The following FGF12 variants were observed in gnomAD, a reference collection of about 807,000 sequenced individuals.
FGF12 encodes the protein fibroblast growth factor 12.
FGF12 carries 14 observed loss-of-function variants against 23.6 expected under a neutral mutation model. The observed-to-expected ratio is 0.59, with a 90% CI of 0.39 to 0.93. FGF12 has a LOEUF of 0.93. Among genes scored for constraint, FGF12 ranks in the 40% least tolerant of loss-of-function variants. FGF12 has a pLI of 0.00. For missense variants in FGF12, 175 were observed against 217.8 expected, an observed-to-expected ratio of 0.80 and a Z score of 1.24; for synonymous variants, 62 against 77.3, an observed-to-expected ratio of 0.80 and a Z score of 1.04.
intron 2 of FGF12, among the ~76,000 whole-genome samples, chr3:192,568,539 A>C (rs1712450724): frequency 6.6e-6 from 1 of 152,196 alleles, no homozygotes; most frequent in African/African-American, 2.4e-5. Context: ...TTCTTGGTCT[A>C]AGAGGAAATG....
chr3:192,677,331 T>A (rs1717362633), intron 2 of FGF12, among the ~76,000 whole-genome samples: 1 of 152,176 alleles, frequency 6.6e-6, no homozygotes, highest in Non-Finnish European at 1.5e-5. Context: ...GCCTTCCCCC[T>A]ATTCCTGATC....
intron 2 of FGF12, among the ~76,000 whole-genome samples, chr3:192,596,537 G>A (rs1007773165): frequency 9.2e-5 from 14 of 152,116 alleles, no homozygotes; most frequent in South Asian, 2.1e-4. Context: ...AATAAGCTAA[G>A]TTTTAGAGGC....
At chr3:192,311,542 C>A (rs753298523) in intron 4 of FGF12, among the ~76,000 whole-genome samples, 3 of 152,126 alleles carry the variant, frequency 2.0e-5, no homozygotes, top group Non-Finnish European at 4.4e-5. Flanking sequence ...ATCCATTCAT[C>A]AGTTGATGGA....
chr3:192,595,078 T>C (rs1184236223), intron 2 of FGF12, among the ~76,000 whole-genome samples: 3 of 152,254 alleles, frequency 2.0e-5, no homozygotes, highest in Non-Finnish European at 4.4e-5. Flanking sequence ...TGTTTCCTTG[T>C]AGGGTATTAA....
chr3:192,496,434 C>T (rs1476994611), intron 2 of FGF12, among the ~76,000 whole-genome samples: 1 of 152,160 alleles, frequency 6.6e-6, no homozygotes, highest in African/African-American at 2.4e-5. Flanking sequence ...CGCTTTTACA[C>T]TTGCAATATC....
chr3:192,210,427 GAGT>G (rs1717870041), intron 4 of FGF12, among the ~76,000 whole-genome samples: 1 of 152,238 alleles, frequency 6.6e-6, no homozygotes, highest in Non-Finnish European at 1.5e-5. Flanking sequence ...ACAGAGCCAA[GAGT>G]AGTTCATGTC....
chr3:192,270,807 GGAAGGAAGGAAA>G (rs1031621980), intron 4 of FGF12, among the ~76,000 whole-genome samples: 2 of 90,210 alleles, frequency 2.2e-5, no homozygotes, highest in Non-Finnish European at 4.7e-5. Flanking sequence ...AAGGAAGGAA[GGAAGGAAGGAAA>G]GAAGGAAGGA....
At chr3:192,543,704 C>G (rs565610555) in intron 2 of FGF12, among the ~76,000 whole-genome samples, 1 of 152,272 alleles carries the variant, frequency 6.6e-6, no homozygotes, top group East Asian at 1.9e-4. Flanking sequence ...GTTCAAGGCC[C>G]AAGGGCTCTT....
At chr3:192,180,963 G>C (rs140601625) in intron 4 of FGF12, among the ~76,000 whole-genome samples, 2 of 152,120 alleles carry the variant, frequency 1.3e-5, no homozygotes, top group Non-Finnish European at 2.9e-5. Context: ...ACTGTAGTTC[G>C]AGATTGCTAA....
intron 4 of FGF12, among the ~76,000 whole-genome samples, chr3:192,313,261 T>C (rs1716052835): frequency 6.6e-6 from 1 of 152,192 alleles, no homozygotes; most frequent in African/African-American, 2.4e-5. Context: ...GACACATTAA[T>C]AATTTTAAAT....
At chr3:192,203,133 TTG>T (rs57503863) in intron 4 of FGF12, among the ~76,000 whole-genome samples, 18,440 of 147,394 alleles carry the variant, frequency 0.13, 1,257 homozygotes, top group South Asian at 0.2. Context: ...CATTAAATAT[TTG>T]TGTGTGTGTG....
chr3:192,519,997 C>T (rs1724776544), intron 2 of FGF12, among the ~76,000 whole-genome samples: 1 of 152,158 alleles, frequency 6.6e-6, no homozygotes. Context: ...GTCCCCTCTA[C>T]CCTAGCCCTG....
At chr3:192,459,652 A>G (rs1309240842) in intron 2 of FGF12, among the ~76,000 whole-genome samples, 1 of 152,216 alleles carries the variant, frequency 6.6e-6, no homozygotes. Context: ...TTCAAATATT[A>G]AAGTGGATTA....
chr3:192,250,647 A>G (rs937312752), intron 4 of FGF12, among the ~76,000 whole-genome samples: 4 of 152,148 alleles, frequency 2.6e-5, no homozygotes, highest in Admixed American at 2.6e-4. Flanking sequence ...ATTGATTTTA[A>G]AGAATTTATC....
chr3:192,245,577 A>G (rs1711528577), intron 4 of FGF12, among the ~76,000 whole-genome samples: 1 of 152,240 alleles, frequency 6.6e-6, no homozygotes, highest in Non-Finnish European at 1.5e-5. Context: ...TGAATATTTA[A>G]TGGCCATCAA....
At chr3:192,406,628 T>G (rs1720968089) in intron 2 of FGF12, among the ~76,000 whole-genome samples, 1 of 152,230 alleles carries the variant, frequency 6.6e-6, no homozygotes, top group Non-Finnish European at 1.5e-5. Flanking sequence ...GCTCCTGTCT[T>G]GGGATCATAA....
At chr3:192,294,776 TA>T (rs760568642) in intron 4 of FGF12, among the ~76,000 whole-genome samples, 6 of 152,192 alleles carry the variant, frequency 3.9e-5, no homozygotes, top group Non-Finnish European at 8.8e-5. Flanking sequence ...TCTAAATTGA[TA>T]GGGGTAAATA....
At chr3:192,478,363 C>T (rs1050943332) in intron 2 of FGF12, among the ~76,000 whole-genome samples, 1 of 152,122 alleles carries the variant, frequency 6.6e-6, no homozygotes, top group African/African-American at 2.4e-5. Context: ...AATCCAGCCC[C>T]TGGCCCAACT....
intron 2 of FGF12, among the ~76,000 whole-genome samples, chr3:192,482,206 C>T (rs60061485): frequency 0.031 from 4,654 of 152,042 alleles, 254 homozygotes; most frequent in African/African-American, 0.11. Flanking sequence ...TTGAAAAGAA[C>T]TAAGCAAAAT....
Sources: gnomAD v4.1 joint callset for allele counts (sites outside exome capture counted in the v4.1 genomes callset) on GRCh38, gnomAD v4.1.1 for gene constraint, MANE v1.5 for transcripts, NCBI Gene and HGNC (gene_info 2026-07-23, HGNC 2026-07-21) for gene names.